Variants in DPP6 observed in about 807,000 individuals in gnomAD.
DPP6 encodes the protein A-type potassium channel modulatory protein DPP6.
A neutral mutation model predicts 122.6 loss-of-function variants in DPP6; 69 were observed. The ratio of observed to expected loss-of-function variants is 0.56; its 90% CI spans 0.46 to 0.69. The LOEUF is 0.69. Among genes scored for constraint, DPP6 ranks in the 30% least tolerant of loss-of-function variants. DPP6 has a pLI of 0.00. For synonymous variants in DPP6, 418 were observed against 433.1 expected, an observed-to-expected ratio of 0.97 and a Z score of 0.43; for missense variants, 928 against 1,116.9, an observed-to-expected ratio of 0.83 and a Z score of 2.41.
Position 154,314,233 on chromosome 7 carries a change from G to A in DPP6, c.244-131981G>A, listed in dbSNP as rs746889114. Among the ~76,000 whole-genome samples the A allele has an allele frequency of 1.4e-3, 215 of 152,246 alleles. 1 individual carries two copies. Among genetic ancestry groups the A allele is most frequent in the Non-Finnish European group, 2.5e-3 (169 of 68,004 alleles). On this transcript the variant is annotated intron_variant, in intron 1 of 25. Coordinates refer to ENST00000377770, the MANE Select transcript of DPP6 (RefSeq NM_130797.4). Reference sequence around the variant, plus strand: ...GGACTGATTCTGTATCTATGAAATGGGGATGATTCCTGTCACGCTGTTGCT... The same window carrying A: ...GGACTGATTCTGTATCTATGAAATGAGGATGATTCCTGTCACGCTGTTGCT...
chr7:154,206,092 G>A (rs1274505257), intron 1 of DPP6, among the ~76,000 whole-genome samples: 3 of 152,214 alleles, frequency 2.0e-5, no homozygotes, highest in Non-Finnish European at 4.4e-5. Context: ...GCAGCCAAAG[G>A]GCAGGATGTC....
intron 1 of DPP6, among the ~76,000 whole-genome samples, chr7:153,950,090 C>G (rs1802138485): frequency 6.6e-6 from 1 of 152,182 alleles, no homozygotes; most frequent in African/African-American, 2.4e-5. Flanking sequence ...TAAAAATTAG[C>G]ATACAGAGGG....
chr7:154,797,950 C>T (rs755458553), intron 12 of DPP6, among the ~76,000 whole-genome samples: 18 of 152,140 alleles, frequency 1.2e-4, no homozygotes, highest in Non-Finnish European at 1.8e-4. Flanking sequence ...CTGAAGTATT[C>T]GGGTGTTGGT....
At chr7:153,952,976 C>T (rs557989498) in intron 1 of DPP6, among the ~76,000 whole-genome samples, 36 of 152,100 alleles carry the variant, frequency 2.4e-4, no homozygotes, top group Non-Finnish European at 4.1e-4. Context: ...GTAAACCTTT[C>T]CTAGAAGAAT....
chr7:153,806,113 T>C, the DPP6 span, among the ~76,000 whole-genome samples: 2 of 151,924 alleles, frequency 1.3e-5, no homozygotes, highest in African/African-American at 4.8e-5. Flanking sequence ...TCAGGACCAT[T>C]TTTCATGATC....
At chr7:154,658,650 G>A (rs1281677329) in intron 6 of DPP6, among the ~76,000 whole-genome samples, 1 of 152,198 alleles carries the variant, frequency 6.6e-6, no homozygotes, top group Non-Finnish European at 1.5e-5. Flanking sequence ...AAAAGGGAGA[G>A]GGAGTGGGTG....
intron 12 of DPP6, among the ~76,000 whole-genome samples, chr7:154,797,886 G>A (rs1275633918): frequency 3.9e-5 from 6 of 152,210 alleles, no homozygotes; most frequent in South Asian, 2.1e-4. Context: ...AGATGTTCAC[G>A]TTACATCCAT....
intron 1 of DPP6, among the ~76,000 whole-genome samples, chr7:154,003,959 G>GCACACAGAC (rs1797795463): frequency 1.3e-5 from 2 of 152,182 alleles, no homozygotes; most frequent in African/African-American, 4.8e-5. Flanking sequence ...TAACTGCAAT[G>GCACACAGAC]TACACAGACT....
chr7:154,328,211 A>C (rs886214718), intron 1 of DPP6, among the ~76,000 whole-genome samples: 1 of 152,190 alleles, frequency 6.6e-6, no homozygotes, highest in African/African-American at 2.4e-5. Context: ...AGGGTTAGAA[A>C]GCAAGTGGTG....
intron 1 of DPP6, among the ~76,000 whole-genome samples, chr7:153,975,797 C>T (rs553190240): frequency 6.6e-6 from 1 of 152,268 alleles, no homozygotes; most frequent in South Asian, 2.1e-4. Flanking sequence ...TGAATAGAGA[C>T]TTTGAAGTCA....
chr7:153,813,138 T>G, the DPP6 span, among the ~76,000 whole-genome samples: 2,539 of 151,962 alleles, frequency 0.017, 73 homozygotes, highest in African/African-American at 0.058. Flanking sequence ...CATTTAGCAT[T>G]AGGTATATCT....
At chr7:153,821,078 T>C in the DPP6 span, among the ~76,000 whole-genome samples, 2 of 152,182 alleles carry the variant, frequency 1.3e-5, no homozygotes, top group Admixed American at 1.3e-4. Context: ...TATATTTTTA[T>C]TGTAAATTTT....
At chr7:154,346,894 A>G (rs1253466460) in intron 1 of DPP6, among the ~76,000 whole-genome samples, 1 of 152,198 alleles carries the variant, frequency 6.6e-6, no homozygotes, top group Non-Finnish European at 1.5e-5. Context: ...AATCTCAGTG[A>G]ACTTTCGCCC....
chr7:154,160,606 C>G (rs1005745133), intron 1 of DPP6, among the ~76,000 whole-genome samples: 1 of 152,050 alleles, frequency 6.6e-6, no homozygotes, highest in African/African-American at 2.4e-5. Context: ...CTTGGTTGGC[C>G]CTCATTCATG....
intron 5 of DPP6, chr7:154,588,057 G>T: frequency 6.2e-7 from 1 of 1,608,314 alleles, no homozygotes; most frequent in South Asian, 1.1e-5. Context: ...GCTACAGGCA[G>T]ATTTCGGGCC....
At chr7:154,159,116 A>G (rs1796845565) in intron 1 of DPP6, among the ~76,000 whole-genome samples, 1 of 152,168 alleles carries the variant, frequency 6.6e-6, no homozygotes, top group South Asian at 2.1e-4. Context: ...CGCCTTATTC[A>G]GACTTTCAAC....
At chr7:154,153,622 A>C (rs1465166163) in intron 1 of DPP6, among the ~76,000 whole-genome samples, 1 of 152,218 alleles carries the variant, frequency 6.6e-6, no homozygotes, top group African/African-American at 2.4e-5. Context: ...TTTTCTGACC[A>C]CAGTAAGTGC....
chr7:153,771,027 T>C, the DPP6 span, among the ~76,000 whole-genome samples: 2 of 152,124 alleles, frequency 1.3e-5, no homozygotes, highest in Non-Finnish European at 2.9e-5. Context: ...TGATAGAGAT[T>C]TGAGGAGAAG....
At chr7:154,406,482 C>CGCACACGCAT (rs1452006020) in intron 1 of DPP6, among the ~76,000 whole-genome samples, 1 of 150,406 alleles carries the variant, frequency 6.6e-6, no homozygotes, top group African/African-American at 2.5e-5. Context: ...CACGCATACA[C>CGCACACGCAT]ACACACACAT....
Sources: allele counts gnomAD v4.1 joint callset (sites outside exome capture counted in the v4.1 genomes callset), GRCh38; gene constraint gnomAD v4.1.1; transcripts MANE v1.5; gene names NCBI Gene and HGNC (gene_info 2026-07-23, HGNC 2026-07-21).